NRG1: variants seen among roughly 807,000 people sequenced by gnomAD.
The protein encoded by NRG1 is pro-neuregulin-1, membrane-bound isoform.
A neutral mutation model predicts 63.8 loss-of-function variants in NRG1; 18 were observed. The ratio of observed to expected loss-of-function variants is 0.28; its 90% CI spans 0.19 to 0.42. The LOEUF (loss-of-function observed/expected upper bound fraction) is 0.42. Among genes scored for constraint, NRG1 ranks in the 10% least tolerant of loss-of-function variants. The probability of loss-of-function intolerance (pLI) is 1.00; values close to 1 mark genes in which losing one functional copy is unlikely to be tolerated. For missense variants in NRG1, 762 were observed against 814.7 expected, an observed-to-expected ratio of 0.94 and a Z score of 0.79; for synonymous variants, 302 against 301.3, an observed-to-expected ratio of 1.00 and a Z score of -0.02.
chr8:31,952,721 C>A (rs1426629331), intron 1 of NRG1, among the ~76,000 whole-genome samples: 1 of 152,212 alleles, frequency 6.6e-6, no homozygotes, highest in Non-Finnish European at 1.5e-5. Flanking sequence ...GTGGCTGGTA[C>A]ATTCCTGGAG....
chr8:32,352,392 T>C (rs1322319571), intron 1 of NRG1, among the ~76,000 whole-genome samples: 1 of 151,292 alleles, frequency 6.6e-6, no homozygotes, highest in Non-Finnish European at 1.5e-5. Context: ...TTAGACGGGA[T>C]TATCTACCAT....
chr8:31,675,458 A>G (rs191068395), intron 1 of NRG1, among the ~76,000 whole-genome samples: 2 of 152,310 alleles, frequency 1.3e-5, no homozygotes, highest in African/African-American at 4.8e-5. Context: ...TGCCCAGTCC[A>G]CTTGAGTCTG....
chr8:31,764,120 G>A (rs1026189508), intron 1 of NRG1, among the ~76,000 whole-genome samples: 1 of 151,918 alleles, frequency 6.6e-6, no homozygotes, highest in African/African-American at 2.4e-5. Flanking sequence ...TCTTTTCTGA[G>A]ATTAGTCTTG....
intron 1 of NRG1, among the ~76,000 whole-genome samples, chr8:32,010,970 T>C (rs1194154625): frequency 6.6e-6 from 1 of 152,046 alleles, no homozygotes; most frequent in African/African-American, 2.4e-5. Flanking sequence ...TCAATTAGAT[T>C]TTTTAGGTGT....
At chr8:31,914,012 G>C (rs980495593) in intron 1 of NRG1, among the ~76,000 whole-genome samples, 5 of 152,056 alleles carry the variant, frequency 3.3e-5, no homozygotes, top group Non-Finnish European at 7.4e-5. Context: ...CCCACTAATT[G>C]GAAGTCTGGG....
At chr8:32,252,783 G>A (rs2129470738) in intron 1 of NRG1, among the ~76,000 whole-genome samples, 1 of 152,244 alleles carries the variant, frequency 6.6e-6, no homozygotes, top group Admixed American at 6.5e-5. Flanking sequence ...AATTACTTTG[G>A]GCAGTATGGC....
intron 1 of NRG1, among the ~76,000 whole-genome samples, chr8:32,251,144 G>C (rs990970209): frequency 1.3e-5 from 2 of 151,890 alleles, no homozygotes; most frequent in African/African-American, 4.8e-5. Context: ...TGCCATGGTG[G>C]TTTGTTGCAC....
intron 1 of NRG1, among the ~76,000 whole-genome samples, chr8:31,790,867 G>A (rs772557555): frequency 6.6e-6 from 1 of 152,100 alleles, no homozygotes; most frequent in Non-Finnish European, 1.5e-5. Context: ...GAGCCTGAAG[G>A]ATGAGCAGGT....
At chr8:32,765,129 G>GT (rs1332102291) in exon 12 of NRG1, 2 of 152,072 alleles carry the variant, frequency 1.3e-5, no homozygotes, top group Non-Finnish European at 1.5e-5. Flanking sequence ...AAAAGCAACA[G>GT]TTTTAGGGAT....
intron 1 of NRG1, among the ~76,000 whole-genome samples, chr8:31,715,755 C>T (rs867404752): frequency 6.6e-5 from 10 of 151,966 alleles, no homozygotes; most frequent in African/African-American, 2.4e-4. Context: ...ATAGAGCCTC[C>T]GTAACAGGAT....
intron 5 of NRG1, among the ~76,000 whole-genome samples, chr8:32,724,433 TGATTGGCATAG>T (rs1224822664): frequency 1.3e-5 from 2 of 152,210 alleles, no homozygotes; most frequent in Non-Finnish European, 2.9e-5. Flanking sequence ...CTGTTTGCTC[TGATTGGCATAG>T]GACCGGCTTT....
At chr8:32,016,934 G>A (rs965692193) in intron 1 of NRG1, among the ~76,000 whole-genome samples, 5 of 152,088 alleles carry the variant, frequency 3.3e-5, no homozygotes, top group African/African-American at 7.2e-5. Flanking sequence ...TCATACCATC[G>A]TTTGCCATTT....
rs147164643 is a variant in NRG1 at position 32,144,456 on chromosome 8, T to C, written c.38-451372T>C. On this transcript the variant is annotated intron_variant, in intron 1 of 10. Transcript: ENST00000519301. ...AGTTGTAGCACTAGCCAGAAATTCT[T>C]GTTTCATCGTCTAGAATGTGGCCAG... 3.1e-3 allele frequency among the ~76,000 whole-genome samples: 468 copies of C among 152,202 alleles called. 2 individuals are homozygous for C. Among genetic ancestry groups the C allele is most frequent in the African/African-American group, 0.011 (446 of 41,526 alleles).
intron 1 of NRG1, among the ~76,000 whole-genome samples, chr8:32,127,974 C>T (rs557589435): frequency 6.6e-6 from 1 of 151,852 alleles, no homozygotes; most frequent in Non-Finnish European, 1.5e-5. Context: ...CTTCTCCTCC[C>T]CCAGCAATTC....
At chr8:32,366,675 GTGTATATATATATATATATA>G (rs1563366868) in intron 1 of NRG1, among the ~76,000 whole-genome samples, 1 of 54,534 alleles carries the variant, frequency 1.8e-5, no homozygotes, top group South Asian at 5.5e-4. Context: ...GTGTGTGTGT[GTGTATATATATATATATATA>G]TATATATATA....
chr8:31,670,925 G>T (rs569901694), intron 1 of NRG1, among the ~76,000 whole-genome samples: 1 of 152,260 alleles, frequency 6.6e-6, no homozygotes, highest in East Asian at 1.9e-4. Context: ...CATAATAACC[G>T]ATAGGTACTT....
intron 7 of NRG1, among the ~76,000 whole-genome samples, chr8:32,774,014 T>C (rs1048976070): frequency 2.6e-5 from 4 of 152,230 alleles, no homozygotes; most frequent in African/African-American, 9.6e-5. Context: ...ATTGACTACA[T>C]TTTTAACTAC....
intron 1 of NRG1, among the ~76,000 whole-genome samples, chr8:32,462,569 A>G (rs1587790472): frequency 6.7e-6 from 1 of 148,330 alleles, no homozygotes; most frequent in Non-Finnish European, 1.5e-5. Context: ...TTTCTGTTGT[A>G]CATTAGATCT....
chr8:32,088,311 T>C (rs1296199497), intron 1 of NRG1, among the ~76,000 whole-genome samples: 1 of 152,312 alleles, frequency 6.6e-6, no homozygotes, highest in Admixed American at 6.5e-5. Flanking sequence ...TATCTGTTGA[T>C]GGATAAATAA....
Sources: gnomAD v4.1 joint callset for allele counts (sites outside exome capture counted in the v4.1 genomes callset) on GRCh38, gnomAD v4.1.1 for gene constraint, MANE v1.5 for transcripts, NCBI Gene and HGNC (gene_info 2026-07-23, HGNC 2026-07-21) for gene names.